TENM3: variants seen among roughly 807,000 people sequenced by gnomAD.
The protein encoded by TENM3 is teneurin transmembrane protein 3.
TENM3 carries 63 observed loss-of-function variants against 255.1 expected under a neutral mutation model. The ratio of observed to expected loss-of-function variants is 0.25; its 90% CI spans 0.20 to 0.30. The LOEUF is 0.30. Among genes scored for constraint, TENM3 ranks in the 10% least tolerant of loss-of-function variants. The pLI, the probability that TENM3 is intolerant of heterozygous loss-of-function variation, is 1.00. For missense variants in TENM3, 2,929 were observed against 3,461.1 expected (o/e 0.85, Z 3.86); for synonymous variants, 1,306 against 1,322.3 (o/e 0.99, Z 0.27).
chr4:181,933,613 A>G, the TENM3 span, among the ~76,000 whole-genome samples: 1 of 152,216 alleles, frequency 6.6e-6, no homozygotes, highest in African/African-American at 2.4e-5. Flanking sequence ...ATCTTCCATT[A>G]GTGGGTGTCA....
At chr4:181,934,048 CTGTGTGTGTG>C in the TENM3 span, among the ~76,000 whole-genome samples, 1 of 147,394 alleles carries the variant, frequency 6.8e-6, no homozygotes, top group African/African-American at 2.5e-5. Context: ...ATTCCCCTTT[CTGTGTGTGTG>C]TGTGTGTGTG....
chr4:182,120,001 C>T, the TENM3 span, among the ~76,000 whole-genome samples: 1 of 152,074 alleles, frequency 6.6e-6, no homozygotes. Flanking sequence ...TGCACCTGTC[C>T]TCCCCATAGT....
At chr4:182,263,565 T>C (rs1441111358) in intron 1 of TENM3, among the ~76,000 whole-genome samples, 1 of 149,348 alleles carries the variant, frequency 6.7e-6, no homozygotes, top group African/African-American at 2.6e-5. Context: ...GGATTAGGCA[T>C]GTACAGGATT....
chr4:181,821,864 T>C, the TENM3 span, among the ~76,000 whole-genome samples: 3 of 152,204 alleles, frequency 2.0e-5, no homozygotes, highest in Non-Finnish European at 4.4e-5. Flanking sequence ...TAGACAGGAT[T>C]AGTATCAACA....
intron 1 of TENM3, among the ~76,000 whole-genome samples, chr4:182,228,545 A>G (rs999409878): frequency 2.6e-5 from 4 of 151,720 alleles, no homozygotes; most frequent in African/African-American, 9.7e-5. Context: ...GCTAGGGTCT[A>G]CCGGTTCAAA....
chr4:181,714,462 AAGAC>A, the TENM3 span, among the ~76,000 whole-genome samples: 1 of 152,288 alleles, frequency 6.6e-6, no homozygotes, highest in Non-Finnish European at 1.5e-5. Flanking sequence ...AAAAGAAAGA[AAGAC>A]AGAAAAAGAA....
intron 24 of TENM3, 129 bp from the exon 25 acceptor site, chr4:182,788,964 C>T: frequency 1.3e-6 from 1 of 780,074 alleles, no homozygotes; most frequent in Non-Finnish European, 2.0e-6. Context: ...TGCACTTGTA[C>T]CCAAGAAGTT....
At chr4:181,955,021 T>G in the TENM3 span, among the ~76,000 whole-genome samples, 2 of 152,220 alleles carry the variant, frequency 1.3e-5, no homozygotes, top group Non-Finnish European at 2.9e-5. Flanking sequence ...AGTGGCCACA[T>G]ACGTATGGTT....
the TENM3 span, among the ~76,000 whole-genome samples, chr4:182,067,661 T>A: frequency 1.3e-5 from 2 of 152,186 alleles, no homozygotes; most frequent in Non-Finnish European, 2.9e-5. Flanking sequence ...TTCTGCCTCC[T>A]GAGATGGAGC....
chr4:182,086,230 C>T, the TENM3 span, among the ~76,000 whole-genome samples: 1 of 152,098 alleles, frequency 6.6e-6, no homozygotes, highest in South Asian at 2.1e-4. Context: ...CCGGAAGAAA[C>T]CACTCGCTAA....
chr4:182,479,293 G>A (rs1363593231), intron 3 of TENM3, among the ~76,000 whole-genome samples: 1 of 151,866 alleles, frequency 6.6e-6, no homozygotes, highest in Non-Finnish European at 1.5e-5. Context: ...GTTCTGTGAT[G>A]AAATACCAAA....
At chr4:182,237,493 G>A (rs992599741) in intron 1 of TENM3, among the ~76,000 whole-genome samples, 19 of 151,902 alleles carry the variant, frequency 1.3e-4, no homozygotes, top group African/African-American at 4.4e-4. Flanking sequence ...AGCCTCCCAT[G>A]TAGCTGAGAC....
the TENM3 span, among the ~76,000 whole-genome samples, chr4:181,476,106 T>C: frequency 2.0e-4 from 30 of 152,250 alleles, no homozygotes; most frequent in African/African-American, 7.2e-4. Context: ...TGGAGCAAGC[T>C]GGGCAAAAAT....
chr4:182,559,408 A>G (rs1467959668), intron 3 of TENM3, among the ~76,000 whole-genome samples: 1 of 152,022 alleles, frequency 6.6e-6, no homozygotes, highest in African/African-American at 2.4e-5. Flanking sequence ...CTCAGATCAT[A>G]CTACTTTTGT....
intron 3 of TENM3, among the ~76,000 whole-genome samples, chr4:182,377,166 C>T (rs1767230731): frequency 6.6e-6 from 1 of 152,090 alleles, no homozygotes; most frequent in Non-Finnish European, 1.5e-5. Flanking sequence ...TGCTAATGAC[C>T]CATATAGTAA....
the TENM3 span, among the ~76,000 whole-genome samples, chr4:181,974,169 G>T: frequency 1.3e-5 from 2 of 152,192 alleles, no homozygotes; most frequent in Non-Finnish European, 2.9e-5. Flanking sequence ...CATTGGCTGG[G>T]TAGGAGCATA....
At chr4:182,358,944 G>T (rs1221857142) in intron 3 of TENM3, among the ~76,000 whole-genome samples, 2 of 151,852 alleles carry the variant, frequency 1.3e-5, no homozygotes, top group Non-Finnish European at 2.9e-5. Flanking sequence ...GTTGAATTTT[G>T]TCAAAGGCCT....
the TENM3 span, among the ~76,000 whole-genome samples, chr4:182,092,417 G>T: frequency 6.6e-6 from 1 of 152,232 alleles, no homozygotes; most frequent in East Asian, 1.9e-4. Flanking sequence ...GGAGGCCAAG[G>T]TGGGGGGATT....
At position 182,728,951 on chromosome 4, in the gene TENM3, A is replaced by T. The variant is rs770097658; in HGVS notation, c.2369-14A>T. On this transcript the variant is annotated splice_polypyrimidine_tract_variant and intron_variant, in intron 13 of 27. Coordinates refer to ENST00000511685, the MANE Select transcript of TENM3 (RefSeq NM_001080477.4). ...AAGGAAAATTCTCTTACTGGGGAAC[A>T]TTTCTCTCTACAGATGGACTCATTG... 1 of 1,609,678 alleles carries T rather than the reference A, an allele frequency of 6.2e-7. No homozygotes were observed. The highest frequency in any genetic ancestry group is 8.5e-7 in the Non-Finnish European group (1 of 1,176,738).
Sources: allele counts gnomAD v4.1 joint callset (sites outside exome capture counted in the v4.1 genomes callset), GRCh38; gene constraint gnomAD v4.1.1; transcripts MANE v1.5; gene names NCBI Gene and HGNC (gene_info 2026-07-23, HGNC 2026-07-21).